Variants in NUP58 observed in about 807,000 individuals in gnomAD.
The protein encoded by NUP58 is nucleoporin 58.
Under a neutral mutation model 70.1 loss-of-function variants are expected in NUP58, and 17 were observed. The observed-to-expected ratio is 0.24, with a 90% CI of 0.17 to 0.36. The LOEUF (loss-of-function observed/expected upper bound fraction) is 0.36, where lower values mean the gene tolerates loss of function less well. Among genes scored for constraint, NUP58 ranks in the 10% least tolerant of loss-of-function variants. The pLI is 1.00. For synonymous variants in NUP58, 275 were observed against 257.6 expected, an observed-to-expected ratio of 1.07 and a Z score of -0.65; for missense variants, 644 against 701.5, an observed-to-expected ratio of 0.92 and a Z score of 0.93.
downstream of NUP58, among the ~76,000 whole-genome samples, chr13:25,342,772 T>G (rs1028290043): frequency 6.6e-6 from 1 of 152,138 alleles, no homozygotes; most frequent in Admixed American, 6.5e-5. Context: ...GTTACTTCTC[T>G]TTTCTTTTTC....
At chr13:25,332,979 T>G in intron 13 of NUP58, 1 of 985,178 alleles carries the variant, frequency 1.0e-6, no homozygotes, top group South Asian at 4.7e-5. Context: ...TAAGTGTAGA[T>G]TTGGTTAAGT....
At chr13:25,347,114 T>G (rs2137856435), downstream of NUP58, among the ~76,000 whole-genome samples, 1 of 152,264 alleles carries the variant, frequency 6.6e-6, no homozygotes, top group Admixed American at 6.5e-5. Context: ...TTAAATAATT[T>G]TTTGTGTGAA....
chr13:25,331,664 G>A (rs1183427479), intron 13 of NUP58, 106 bp downstream of exon 13: 9 of 1,502,654 alleles, frequency 6.0e-6, no homozygotes, highest in African/African-American at 4.2e-5. Context: ...ATTTCTATGA[G>A]TAGCTGTTCC....
chr13:25,345,858 CTG>C (rs1023430149), downstream of NUP58, among the ~76,000 whole-genome samples: 1 of 152,026 alleles, frequency 6.6e-6, no homozygotes, highest in African/African-American at 2.4e-5. Flanking sequence ...GAAAAATTGA[CTG>C]TGGCCCAGAA....
In NUP58 at chr13:25,314,380, T is replaced by G. The variant is rs73470431; in HGVS notation, c.574+629T>G. On this transcript the variant is annotated intron_variant, in intron 5 of 15. Coordinates refer to ENST00000381736, the MANE Select transcript of NUP58 (RefSeq NM_014089.4). ...AAGAACAAAAATTGTATTAGCTCAG[T>G]AATGCATGGTCTTATAAAAGTATAG... 5.5e-3 allele frequency among the ~76,000 whole-genome samples: 836 copies of G among 152,244 alleles called. 7 individuals carry two copies. The highest frequency in any genetic ancestry group is 0.018 in the African/African-American group (738 of 41,548).
At chr13:25,327,166 CTTTA>C in intron 11 of NUP58, 132 bp downstream of exon 11, 1 of 600,044 alleles carries the variant, frequency 1.7e-6, no homozygotes, top group South Asian at 2.5e-5. Context: ...TTTACTACTC[CTTTA>C]TTCCCTATAA....
intron 1 of NUP58, among the ~76,000 whole-genome samples, chr13:25,302,305 T>A (rs1274888230): frequency 1.3e-5 from 2 of 152,228 alleles, no homozygotes; most frequent in African/African-American, 4.8e-5. Context: ...GCATTTGCGG[T>A]TTTGGATATG....
chr13:25,336,551 C>T (rs1036104115), intron 13 of NUP58, among the ~76,000 whole-genome samples: 13 of 151,960 alleles, frequency 8.6e-5, no homozygotes, highest in African/African-American at 2.4e-4. Context: ...ATTATACCAA[C>T]TAGTTTTATC....
downstream of NUP58, among the ~76,000 whole-genome samples, chr13:25,345,128 A>G (rs977495032): frequency 7.2e-5 from 11 of 152,180 alleles, no homozygotes; most frequent in African/African-American, 9.7e-5. Context: ...GACCATGTTT[A>G]GTCTGAATAT....
chr13:25,314,174 C>A (rs1244210080), intron 5 of NUP58, among the ~76,000 whole-genome samples: 1 of 152,116 alleles, frequency 6.6e-6, no homozygotes, highest in Non-Finnish European at 1.5e-5. Flanking sequence ...CTCAAGTGAT[C>A]CGGCTGCCTT....
rs370053914 is a variant in NUP58 at position 25,348,098 on chromosome 13, G to C, written n.322-1464G>C. 3.9e-5 allele frequency among the ~76,000 whole-genome samples: 6 copies of C among 152,160 alleles called. No homozygotes were observed. In the East Asian group the frequency reaches 9.6e-4, roughly 24 times the overall value. ...GGTAACCACTGGCCATGTGTGGTGG[G>C]CGTGATTGAGGAACTGAACTTTTAA... On this transcript the variant is annotated intron_variant and non_coding_transcript_variant, in intron 3 of 3. Transcript: ENST00000477876.
chr13:25,348,787 C>G (rs1397978206), intron 3 of NUP58, among the ~76,000 whole-genome samples: 1 of 152,034 alleles, frequency 6.6e-6, no homozygotes. Flanking sequence ...CTTTGTCTAC[C>G]CTTGTTCATC....
At chr13:25,322,951 A>G (rs1291224901) in intron 9 of NUP58, among the ~76,000 whole-genome samples, 1 of 152,206 alleles carries the variant, frequency 6.6e-6, no homozygotes, top group African/African-American at 2.4e-5. Context: ...AGAAAACATA[A>G]TTAGAGCAAA....
At chr13:25,303,154 G>C (rs1265196561) in intron 1 of NUP58, 1 of 449,556 alleles carries the variant, frequency 2.2e-6, no homozygotes, top group Non-Finnish European at 4.4e-6. Flanking sequence ...ATTTTAGCCA[G>C]AGTAATTGAA....
At chr13:25,312,173 G>T (rs575058470) in intron 3 of NUP58, among the ~76,000 whole-genome samples, 1 of 152,162 alleles carries the variant, frequency 6.6e-6, no homozygotes, top group Non-Finnish European at 1.5e-5. Context: ...GACTGAAAAG[G>T]AATAGGGAGA....
At chr13:25,343,012 A>AT (rs1191225079), downstream of NUP58, among the ~76,000 whole-genome samples, 7 of 151,880 alleles carry the variant, frequency 4.6e-5, no homozygotes, top group African/African-American at 1.7e-4. Flanking sequence ...AGGAAATGTA[A>AT]TTTTTTAAAA....
intron 14 of NUP58, among the ~76,000 whole-genome samples, chr13:25,338,179 A>C (rs1307709606): frequency 6.6e-6 from 1 of 152,144 alleles, no homozygotes; most frequent in African/African-American, 2.4e-5. Flanking sequence ...TTCTTAATTA[A>C]AAATGTTTTG....
At chr13:25,342,568 CACTT>C (rs2031986767), downstream of NUP58, among the ~76,000 whole-genome samples, 1 of 152,064 alleles carries the variant, frequency 6.6e-6, no homozygotes, top group Non-Finnish European at 1.5e-5. Flanking sequence ...AATTATTTCT[CACTT>C]GCTTTTGTCT....
intron 6 of NUP58, among the ~76,000 whole-genome samples, chr13:25,318,115 G>T (rs1479500258): frequency 6.6e-6 from 1 of 152,020 alleles, no homozygotes; most frequent in Non-Finnish European, 1.5e-5. Flanking sequence ...GGGTCATGAG[G>T]TCAGGAGATC....
Sources: gnomAD v4.1 joint callset for allele counts (sites outside exome capture counted in the v4.1 genomes callset) on GRCh38, gnomAD v4.1.1 for gene constraint, MANE v1.5 for transcripts, NCBI Gene and HGNC (gene_info 2026-07-23, HGNC 2026-07-21) for gene names.